Variants in CERS6 observed in about 807,000 individuals in gnomAD.
The protein encoded by CERS6 is LAG1 homolog, ceramide synthase 6.
In CERS6, 26 loss-of-function variants were observed where a neutral mutation model predicts 56.8. That is an observed-to-expected ratio of 0.46 (90% CI 0.34 to 0.63). The LOEUF (loss-of-function observed/expected upper bound fraction) is 0.63. Ranked by LOEUF, CERS6 falls within the 30% of genes least tolerant of loss-of-function variation. The pLI is 0.01. For synonymous variants in CERS6, 164 were observed against 173.3 expected, an observed-to-expected ratio of 0.95 and a Z score of 0.42; for missense variants, 415 against 467.5, an observed-to-expected ratio of 0.89 and a Z score of 1.04.
intron 4 of CERS6, among the ~76,000 whole-genome samples, chr2:168,663,149 A>G (rs1685675491): frequency 6.6e-6 from 1 of 152,186 alleles, no homozygotes; most frequent in Non-Finnish European, 1.5e-5. Context: ...CTTTTGAGCT[A>G]CTGATTTTTC....
At chr2:168,665,321 A>T (rs573820092) in intron 4 of CERS6, among the ~76,000 whole-genome samples, 7 of 152,258 alleles carry the variant, frequency 4.6e-5, no homozygotes, top group Admixed American at 1.3e-4. Context: ...TAAGGAATTG[A>T]AATACGGTGG....
At chr2:168,492,121 T>C (rs1382043838) in intron 1 of CERS6, among the ~76,000 whole-genome samples, 1 of 152,196 alleles carries the variant, frequency 6.6e-6, no homozygotes, top group Non-Finnish European at 1.5e-5. Context: ...TTATAATCCT[T>C]TGGGTATATA....
At chr2:168,472,539 T>G (rs1429274070) in intron 1 of CERS6, among the ~76,000 whole-genome samples, 1 of 152,214 alleles carries the variant, frequency 6.6e-6, no homozygotes, top group African/African-American at 2.4e-5. Flanking sequence ...TGTGTGTTTA[T>G]GTACAAAATC....
intron 1 of CERS6, among the ~76,000 whole-genome samples, chr2:168,505,546 A>G (rs560790488): frequency 2.0e-5 from 3 of 152,274 alleles, no homozygotes; most frequent in South Asian, 4.1e-4. Flanking sequence ...AAAAGTGGTC[A>G]TAGGTTGATG....
chr2:168,547,383 G>C (rs1574057306), intron 1 of CERS6, among the ~76,000 whole-genome samples: 1 of 152,048 alleles, frequency 6.6e-6, no homozygotes, highest in African/African-American at 2.4e-5. Flanking sequence ...GTTTTAAAAG[G>C]ATTTCTTTTT....
intron 1 of CERS6, among the ~76,000 whole-genome samples, chr2:168,466,911 A>G (rs1228740918): frequency 6.6e-6 from 1 of 152,166 alleles, no homozygotes; most frequent in African/African-American, 2.4e-5. Flanking sequence ...TAAGAATAAC[A>G]TTTGTTTGTA....
At chr2:168,711,666 G>A (rs141634795) in intron 6 of CERS6, among the ~76,000 whole-genome samples, 38 of 151,296 alleles carry the variant, frequency 2.5e-4, no homozygotes, top group African/African-American at 8.7e-4. Context: ...CCCAGGAGAC[G>A]GAGGTTGCAG....
intron 3 of CERS6, among the ~76,000 whole-genome samples, chr2:168,589,821 TAGAA>T (rs1440318749): frequency 6.6e-6 from 1 of 152,240 alleles, no homozygotes; most frequent in African/African-American, 2.4e-5. Flanking sequence ...GTATAACCAT[TAGAA>T]AGAGGGCTTC....
At chr2:168,592,075 A>G (rs1455648592) in intron 3 of CERS6, among the ~76,000 whole-genome samples, 1 of 152,116 alleles carries the variant, frequency 6.6e-6, no homozygotes. Flanking sequence ...GGAACTTTGG[A>G]TTTAGGAGGG....
intron 1 of CERS6, among the ~76,000 whole-genome samples, chr2:168,533,538 C>G (rs1326648834): frequency 6.6e-6 from 1 of 152,186 alleles, no homozygotes; most frequent in East Asian, 1.9e-4. Context: ...GGAATGCTTC[C>G]AGCTTTTGCC....
intron 3 of CERS6, among the ~76,000 whole-genome samples, chr2:168,621,225 A>T (rs947418950): frequency 2.0e-5 from 3 of 152,200 alleles, no homozygotes; most frequent in African/African-American, 7.2e-5. Flanking sequence ...AATAATAAAC[A>T]TTTGGCTACT....
intron 8 of CERS6, among the ~76,000 whole-genome samples, chr2:168,752,471 C>T (rs1684302387): frequency 6.6e-6 from 1 of 152,144 alleles, no homozygotes; most frequent in South Asian, 2.1e-4. Context: ...TTCAGCTTTG[C>T]TGGATTGAAC....
chr2:168,728,647 G>A (rs926489020), intron 8 of CERS6, among the ~76,000 whole-genome samples: 2 of 151,488 alleles, frequency 1.3e-5, no homozygotes, highest in African/African-American at 4.9e-5. Flanking sequence ...TATTGAGAAG[G>A]GAGAACAGAA....
chr2:168,646,303 T>G (rs1489793444), intron 4 of CERS6, among the ~76,000 whole-genome samples: 10 of 151,038 alleles, frequency 6.6e-5, no homozygotes, highest in African/African-American at 2.4e-4. Context: ...AATATTGAGC[T>G]TTTTTTTTCA....
intron 3 of CERS6, among the ~76,000 whole-genome samples, chr2:168,609,974 G>GTTTTTTTT (rs5836191): frequency 1.8e-4 from 17 of 93,810 alleles, no homozygotes; most frequent in East Asian, 3.1e-4. Flanking sequence ...AGATGTGACT[G>GTTTTTTTT]TTTTTTTTTT....
intron 4 of CERS6, among the ~76,000 whole-genome samples, chr2:168,668,845 C>T (rs1188023257): frequency 1.3e-5 from 2 of 152,120 alleles, no homozygotes; most frequent in Non-Finnish European, 2.9e-5. Context: ...TACTTTATTG[C>T]TTCAGCATAT....
At chr2:168,719,911 CAT>C (rs1687318047) in intron 8 of CERS6, among the ~76,000 whole-genome samples, 1 of 151,596 alleles carries the variant, frequency 6.6e-6, no homozygotes, top group South Asian at 2.1e-4. Flanking sequence ...ATTTAAATAA[CAT>C]ATTTAACTCA....
At chr2:168,467,016 A>G (rs1574001519) in intron 1 of CERS6, among the ~76,000 whole-genome samples, 1 of 152,138 alleles carries the variant, frequency 6.6e-6, no homozygotes, top group East Asian at 1.9e-4. Context: ...TTAAGATTGT[A>G]TTTTCTTTCT....
rs568722500 is a variant in CERS6, at chr2:168,721,322, T to C, written c.845+3344T>C. ...TATTGGTGAATAATATTTTATTGTA[T>C]GGATATACCACATTTTATTTATCCA... On this transcript the variant is annotated intron_variant, in intron 8 of 9. Transcript: ENST00000305747. Among the ~76,000 whole-genome samples, 188 of 152,288 alleles carry C rather than the reference T, an allele frequency of 1.2e-3. 2 individuals are homozygous for C. The highest frequency in any genetic ancestry group is 4.3e-3 in the African/African-American group (178 of 41,568).
Sources: allele counts gnomAD v4.1 joint callset (sites outside exome capture counted in the v4.1 genomes callset), GRCh38; gene constraint gnomAD v4.1.1; transcripts MANE v1.5; gene names NCBI Gene and HGNC (gene_info 2026-07-23, HGNC 2026-07-21).